Variants in CPA3 observed in about 807,000 individuals in gnomAD.
The protein encoded by CPA3 is carboxypeptidase A3.
CPA3 carries 52 observed loss-of-function variants against 55.8 expected under a neutral mutation model. That is an observed-to-expected ratio of 0.93 (90% confidence interval 0.75 to 1.17). CPA3 has a LOEUF of 1.17. CPA3 is among the 50% of genes most tolerant of loss of function. The probability of loss-of-function intolerance (pLI) is 0.00; values close to 1 mark genes in which losing one functional copy is unlikely to be tolerated. For synonymous variants in CPA3, 179 were observed against 171.2 expected (o/e 1.05, Z -0.36); for missense variants, 547 against 509.1 (o/e 1.07, Z -0.72).
chr3:148,885,200 C>A (rs73016143), intron 9 of CPA3, among the ~76,000 whole-genome samples: 9,023 of 151,814 alleles, frequency 0.059, 921 homozygotes, highest in African/African-American at 0.21. Flanking sequence ...GCAATATGAG[C>A]CTGTTAGGGA....
rs1714370010 is a variant in CPA3 at position 148,881,602 on chromosome 3, T to C, written c.657T>C (p.Asn219=). 2 of 1,612,286 alleles carry C rather than the reference T, an allele frequency of 1.2e-6. No homozygotes were observed. The highest frequency in any genetic ancestry group is 1.1e-5 in the South Asian group (1 of 90,926). ...ATTTTTACATTCTTCCTGTGTTCAA[T>C]GTTGATGGATATATTTGGTCATGGA... is the stretch of plus-strand genomic sequence containing the variant. ...RMNFYILPVF[N]VDGYIWSWTK... Residue 219 remains asparagine, a synonymous_variant, in exon 7 of 11, where the codon AAT becomes AAC. Coordinates refer to ENST00000296046, the MANE Select transcript of CPA3 (RefSeq NM_001870.4).
At position 148,894,290 on chromosome 3, in the gene CPA3, T is replaced by A. The variant is rs75642312; in HGVS notation, c.1067-2230T>A. Among the ~76,000 whole-genome samples the A allele has an allele frequency of 5.0e-3, 758 of 152,230 alleles. 3 individuals carry two copies. Among genetic ancestry groups the A allele is most frequent in the African/African-American group, 0.018 (732 of 41,550 alleles). ...ACACCTCACTTGACATAGTAAAATG[T>A]CAATACCATTAGACTGTGGTAAGTT... On this transcript the variant is annotated intron_variant, in intron 10 of 10. Coordinates refer to ENST00000296046, the MANE Select transcript of CPA3 (RefSeq NM_001870.4).
intron 10 of CPA3, among the ~76,000 whole-genome samples, chr3:148,890,458 T>G: frequency 6.6e-6 from 1 of 152,182 alleles, no homozygotes; most frequent in Non-Finnish European, 1.5e-5. Context: ...CTCAACCCAG[T>G]GCTCTTTTTC....
At position 148,881,650 on chromosome 3, in the gene CPA3, C is replaced by A; in HGVS notation, c.687+18C>A. ...GGACAAAGGTACTGCTCTCTACTCTCTTGTTTGCATTTAGATATTATTTGC... is the reference window on the plus strand; with the variant it reads ...GGACAAAGGTACTGCTCTCTACTCTATTGTTTGCATTTAGATATTATTTGC... On this transcript the variant is annotated intron_variant, in intron 7 of 10. Transcript: ENST00000296046. 1 of 1,507,472 alleles carries A rather than the reference C, an allele frequency of 6.6e-7. No homozygotes were observed. 93.4% of individuals were successfully genotyped at this position (1,507,472 alleles called of 1,614,324 possible). A position where few individuals can be genotyped will look rare whatever the true frequency, so the allele number is the denominator to read the frequency against.
At chr3:148,874,021 T>C (rs779629195) in intron 3 of CPA3, among the ~76,000 whole-genome samples, 2 of 152,214 alleles carry the variant, frequency 1.3e-5, no homozygotes, top group Non-Finnish European at 2.9e-5. Flanking sequence ...TTTCATTTGT[T>C]TATGCCTGGC....
chr3:148,870,103 A>G (rs1206272992), intron 3 of CPA3: 1 of 151,870 alleles, frequency 6.6e-6, no homozygotes, highest in Non-Finnish European at 1.5e-5. Flanking sequence ...AAAAAAAAAA[A>G]AAAAAAAAAA....
rs779071784 is a variant in CPA3, at chr3:148,868,936, G to A, written c.166G>A (p.Ala56Thr). 9.3e-6 allele frequency: 15 copies of A among 1,613,824 alleles called. No homozygotes were observed. The South Asian group carries it at 1.6e-4, about 18-fold the overall frequency. The change falls in exon 3 of 11, where the codon GCC (alanine) becomes ACC (threonine). Residue 56 changes from alanine to threonine, a missense_variant. By Grantham distance (58) the Ala-to-Thr change is moderately conservative. Coordinates refer to ENST00000296046, the MANE Select transcript of CPA3 (RefSeq NM_001870.4). ...TNELDFWYPG[A>T]THHVAANMMV... ...GCAGCTTGACTTCTGGTATCCAGGT[G>A]CCACCCACCACGTAGCTGCTAATAT... is the stretch of plus-strand genomic sequence containing the variant.
intron 2 of CPA3, 22 bp downstream of exon 2, chr3:148,865,570 T>G (rs755847608): frequency 6.9e-6 from 11 of 1,591,310 alleles, no homozygotes; most frequent in Non-Finnish European, 2.6e-6. Context: ...GAGGGATATT[T>G]TATCTTTTCT....
chr3:148,885,400 T>A (rs995759628), intron 9 of CPA3, among the ~76,000 whole-genome samples: 2 of 146,198 alleles, frequency 1.4e-5, no homozygotes, highest in Admixed American at 7.4e-5. Flanking sequence ...GACTGCATAT[T>A]TAAGTCTTTT....
At chr3:148,883,127 C>A (rs149821163) in intron 8 of CPA3, among the ~76,000 whole-genome samples, 3 of 152,284 alleles carry the variant, frequency 2.0e-5, no homozygotes, top group African/African-American at 7.2e-5. Context: ...TTATATATTT[C>A]TTCTGTGCCT....
At chr3:148,874,074 A>C (rs1044469400) in intron 3 of CPA3, among the ~76,000 whole-genome samples, 6 of 152,164 alleles carry the variant, frequency 3.9e-5, no homozygotes, top group African/African-American at 1.4e-4. Context: ...ATCTGGCCCC[A>C]GTTCTTAATT....
In CPA3 at chr3:148,883,819, C is replaced by G. The variant is rs768836689; in HGVS notation, c.981+4C>G. 2.4e-5 allele frequency: 39 copies of G among 1,610,134 alleles called. No individual in the cohort carries two copies. The highest frequency in any genetic ancestry group is 6.7e-5 in the East Asian group (3 of 44,858). ...GCCACCTAACCATGAGGACTTGGTA[C>G]GTAGACAAAAGTTTGCACTTCATGC... On this transcript the variant is annotated splice_donor_region_variant and intron_variant, in intron 9 of 10. Coordinates refer to ENST00000296046, the MANE Select transcript of CPA3 (RefSeq NM_001870.4).
At chr3:148,867,438 A>T (rs1245563438) in intron 2 of CPA3, among the ~76,000 whole-genome samples, 1 of 152,184 alleles carries the variant, frequency 6.6e-6, no homozygotes, top group Non-Finnish European at 1.5e-5. Flanking sequence ...CAAACCTTTC[A>T]CATCTCATAA....
intron 3 of CPA3, among the ~76,000 whole-genome samples, chr3:148,873,353 C>T (rs1235407743): frequency 1.3e-5 from 2 of 149,854 alleles, no homozygotes; most frequent in East Asian, 4.1e-4. Flanking sequence ...CATCTTTCCC[C>T]AGTGCATGCA....
At chr3:148,896,425 CTA>C (rs1416274265) in intron 10 of CPA3, 93 bp from the exon 11 acceptor site, 22 of 1,049,674 alleles carry the variant, frequency 2.1e-5, no homozygotes, top group African/African-American at 3.1e-5. Context: ...GCACACATAA[CTA>C]TTTTTTATTG....
In CPA3 at chr3:148,879,815, G is replaced by C. The variant is rs144291888; in HGVS notation, c.502G>C (p.Ala168Pro). ...KIGEKNERRK[A>P]IFTDCGIHAR... is the part of the protein sequence containing the mutation. The stretch of plus-strand genomic sequence containing the variant: ...TGGGGAAAAGAATGAAAGAAGAAAG[G>C]CTATTTTTACGGATTGTGGCATTCA... The change falls in exon 6 of 11, where the codon GCT (alanine) becomes CCT (proline). Residue 168 changes from alanine to proline, a missense_variant. Transcript: ENST00000296046. The C allele has an allele frequency of 1.2e-5, 19 of 1,611,468 alleles. No homozygotes were observed. The highest frequency in any genetic ancestry group is 1.4e-5 in the Non-Finnish European group (17 of 1,177,904).
intron 10 of CPA3, among the ~76,000 whole-genome samples, chr3:148,890,532 G>A (rs539074919): frequency 6.6e-6 from 1 of 152,200 alleles, no homozygotes; most frequent in East Asian, 1.9e-4. Flanking sequence ...AAGACTTGTA[G>A]TTCATAACAC....
chr3:148,885,003 T>G (rs1714489945), intron 9 of CPA3, among the ~76,000 whole-genome samples: 1 of 152,224 alleles, frequency 6.6e-6, no homozygotes, highest in Non-Finnish European at 1.5e-5. Context: ...AATATGTTAG[T>G]AACTATATTC....
intron 6 of CPA3, among the ~76,000 whole-genome samples, chr3:148,880,397 T>C (rs567900959): frequency 6.6e-6 from 1 of 151,516 alleles, no homozygotes; most frequent in East Asian, 1.9e-4. Context: ...AGTGGTGCAA[T>C]CTCGTCTCAC....
Sources: gnomAD v4.1 joint callset for allele counts (sites outside exome capture counted in the v4.1 genomes callset) on GRCh38, gnomAD v4.1.1 for gene constraint, MANE v1.5 for transcripts, NCBI Gene and HGNC (gene_info 2026-07-23, HGNC 2026-07-21) for gene names.